Variants in RALGAPA1 observed in about 807,000 individuals in gnomAD.
The protein encoded by RALGAPA1 is Ral GTPase activating protein catalytic subunit alpha 1.
A neutral mutation model predicts 269.6 loss-of-function variants in RALGAPA1; 52 were observed. That is an observed-to-expected ratio of 0.19 (90% confidence interval 0.15 to 0.24). RALGAPA1 has a LOEUF of 0.24. Ranked by LOEUF, RALGAPA1 falls within the 10% of genes least tolerant of loss-of-function variation. The probability of loss-of-function intolerance (pLI) is 1.00; values close to 1 mark genes in which losing one functional copy is unlikely to be tolerated. For missense variants in RALGAPA1, 1,917 were observed against 3,013.9 expected, an observed-to-expected ratio of 0.64 and a Z score of 8.52; for synonymous variants, 817 against 1,008.3, an observed-to-expected ratio of 0.81 and a Z score of 3.60.
At chr14:35,621,934 A>G (rs1043695921) in intron 35 of RALGAPA1, among the ~76,000 whole-genome samples, 1 of 152,212 alleles carries the variant, frequency 6.6e-6, no homozygotes, top group Non-Finnish European at 1.5e-5. Context: ...AATTAATTCA[A>G]CCATTGTGGA....
intron 1 of RALGAPA1, among the ~76,000 whole-genome samples, chr14:35,784,129 CAA>C (rs547204394): frequency 1.4e-5 from 2 of 139,310 alleles, no homozygotes; most frequent in Non-Finnish European, 1.6e-5. Context: ...TCATCTCTAT[CAA>C]AAAAAAAAAG....
chr14:35,683,933 T>G lies in RALGAPA1; in HGVS notation c.4347A>C (p.Ser1449=), dbSNP rs777125018. Residue 1449 remains serine, a synonymous_variant, in exon 21 of 42, where the codon TCA becomes TCC. Transcript: ENST00000680220. ...TGVTSSADVD[S]GSGHHQSAEE... ...CAGCACTCTGATGATGGCCAGAACC[T>G]GAATCCACATCAGCAGAGGACGTAA... 2.9e-5 allele frequency: 47 copies of G among 1,613,482 alleles called. No homozygotes were observed. The highest frequency in any genetic ancestry group is 3.9e-5 in the Non-Finnish European group (46 of 1,179,652).
intron 41 of RALGAPA1, among the ~76,000 whole-genome samples, chr14:35,542,961 C>T (rs2054144989): frequency 6.6e-6 from 1 of 152,136 alleles, no homozygotes; most frequent in Non-Finnish European, 1.5e-5. Flanking sequence ...TTCGTTTGTA[C>T]TGTTTGGTGA....
intron 1 of RALGAPA1, among the ~76,000 whole-genome samples, chr14:35,804,518 G>C (rs907216014): frequency 1.3e-5 from 2 of 150,736 alleles, no homozygotes; most frequent in African/African-American, 4.9e-5. Flanking sequence ...GCAGTGAGCC[G>C]AGATCGTGCC....
At chr14:35,650,620 T>C (rs2062763413) in intron 31 of RALGAPA1, among the ~76,000 whole-genome samples, 1 of 152,132 alleles carries the variant, frequency 6.6e-6, no homozygotes, top group African/African-American at 2.4e-5. Context: ...GCCTCATGTA[T>C]GCCACACAAG....
chr14:35,773,473 TAATC>T (rs1277972701), intron 3 of RALGAPA1, among the ~76,000 whole-genome samples: 1 of 151,992 alleles, frequency 6.6e-6, no homozygotes, highest in Non-Finnish European at 1.5e-5. Flanking sequence ...GAATAAAAAA[TAATC>T]AATATATATT....
At chr14:35,735,362 T>C (rs1014296416) in intron 12 of RALGAPA1, among the ~76,000 whole-genome samples, 1 of 152,148 alleles carries the variant, frequency 6.6e-6, no homozygotes. Context: ...ATATAGACAA[T>C]GGAATACTAT....
intron 35 of RALGAPA1, among the ~76,000 whole-genome samples, chr14:35,611,300 G>A (rs114011667): frequency 0.022 from 3,392 of 151,938 alleles, 126 homozygotes; most frequent in South Asian, 0.14. Context: ...TAGAGGGGGC[G>A]AGACCATTCT....
At chr14:35,791,615 A>G (rs2076173680) in intron 1 of RALGAPA1, among the ~76,000 whole-genome samples, 1 of 151,850 alleles carries the variant, frequency 6.6e-6, no homozygotes, top group African/African-American at 2.4e-5. Flanking sequence ...CTCAAAAAAA[A>G]AAAAGTATGG....
intron 37 of RALGAPA1, among the ~76,000 whole-genome samples, chr14:35,587,306 T>G (rs1015158748): frequency 2.6e-5 from 4 of 152,200 alleles, no homozygotes; most frequent in Admixed American, 2.6e-4. Flanking sequence ...TGGAAGACAG[T>G]GTGGCGATTC....
At chr14:35,678,585 A>T (rs1241134695) in intron 21 of RALGAPA1, among the ~76,000 whole-genome samples, 2 of 151,998 alleles carry the variant, frequency 1.3e-5, no homozygotes, top group East Asian at 3.8e-4. Flanking sequence ...CAGCAAAAAG[A>T]TCTAAAAATC....
In RALGAPA1 at chr14:35,615,429, C is replaced by T. The variant is rs368317868; in HGVS notation, c.6930-9720G>A. Among the ~76,000 whole-genome samples, 10 of 152,202 alleles carry T rather than the reference C, an allele frequency of 6.6e-5. No individual in the cohort carries two copies. The South Asian group carries it at 8.3e-4, about 13-fold the overall frequency. ...AACAAAGTAATCTTTCATTTTCTCC[C>T]GCCCTAGTCCTCCCTAGACAAGTAA... On this transcript the variant is annotated intron_variant, in intron 35 of 41. Transcript: ENST00000680220.
chr14:35,737,913 C>T (rs1344575669), intron 12 of RALGAPA1, among the ~76,000 whole-genome samples: 1 of 150,612 alleles, frequency 6.6e-6, no homozygotes. Flanking sequence ...CATGGTGAAA[C>T]CTTGTCTCCA....
At chr14:35,779,672 C>G (rs1291202890) in intron 1 of RALGAPA1, among the ~76,000 whole-genome samples, 2 of 151,672 alleles carry the variant, frequency 1.3e-5, no homozygotes, top group African/African-American at 4.8e-5. Flanking sequence ...AAAATGAGAA[C>G]AATAACAAAG....
chr14:35,629,280 GGGGT>G (rs1313969341), intron 33 of RALGAPA1, among the ~76,000 whole-genome samples: 54 of 75,770 alleles, frequency 7.1e-4, no homozygotes, highest in African/African-American at 1.9e-3. Flanking sequence ...GGATGTTTAG[GGGGT>G]GTGTGTGTGT....
At chr14:35,750,262 C>T (rs1231016453) in intron 9 of RALGAPA1, among the ~76,000 whole-genome samples, 3 of 152,102 alleles carry the variant, frequency 2.0e-5, no homozygotes, top group East Asian at 3.9e-4. Flanking sequence ...GAAGCTGAGA[C>T]TGACATACTA....
At chr14:35,798,377 T>C (rs536329016) in intron 1 of RALGAPA1, among the ~76,000 whole-genome samples, 2 of 151,954 alleles carry the variant, frequency 1.3e-5, no homozygotes, top group South Asian at 2.1e-4. Flanking sequence ...GGGTCTTGCA[T>C]TGTTGCCCAG....
Position 35,808,843 on chromosome 14 carries a change from C to T in RALGAPA1, c.-8G>A. 3 of 1,588,842 alleles carry T rather than the reference C, an allele frequency of 1.9e-6. No homozygotes were observed. The highest frequency in any genetic ancestry group is 2.6e-6 in the Non-Finnish European group (3 of 1,166,764). On this transcript the variant is annotated 5_prime_UTR_variant, in exon 1 of 42. Coordinates refer to ENST00000680220, the MANE Select transcript of RALGAPA1 (RefSeq NM_001346249.2). Reference sequence around the variant, plus strand: ...CGGCTTCTTGGAGAACATCCTGTCGCTGCCACTGCCACTGCCACTGCCACA... The same window carrying T: ...CGGCTTCTTGGAGAACATCCTGTCGTTGCCACTGCCACTGCCACTGCCACA...
chr14:35,761,755 C>G (rs886508583), intron 5 of RALGAPA1, among the ~76,000 whole-genome samples: 3 of 152,166 alleles, frequency 2.0e-5, no homozygotes, highest in African/African-American at 7.2e-5. Flanking sequence ...CTTCCACTAA[C>G]CTAACCTCAC....
Sources: gnomAD v4.1 joint callset for allele counts (sites outside exome capture counted in the v4.1 genomes callset) on GRCh38, gnomAD v4.1.1 for gene constraint, MANE v1.5 for transcripts, NCBI Gene and HGNC (gene_info 2026-07-23, HGNC 2026-07-21) for gene names.